The following ACVR2A variants were observed in gnomAD, a reference collection of about 807,000 sequenced individuals.
The protein encoded by ACVR2A is activin A receptor type 2A, also known as activin receptor type-2A.
In ACVR2A, 7 loss-of-function variants were observed where a neutral mutation model predicts 61.4. That is an observed-to-expected ratio of 0.11 (90% CI 0.06 to 0.21). ACVR2A has a LOEUF of 0.21. ACVR2A is among the 10% of genes least tolerant of loss of function. The pLI is 1.00. For synonymous variants in ACVR2A, 193 were observed against 208.3 expected (o/e 0.93, Z 0.63); for missense variants, 322 against 621.7 (o/e 0.52, Z 5.13).
intron 1 of ACVR2A, among the ~76,000 whole-genome samples, chr2:147,859,481 A>T (rs1448991788): frequency 1.3e-5 from 2 of 150,704 alleles, no homozygotes; most frequent in African/African-American, 2.4e-5. Context: ...GTAGAGGGTC[A>T]CCACAGACAA....
chr2:147,904,036 G>A (rs1489269753), intron 4 of ACVR2A, among the ~76,000 whole-genome samples: 1 of 151,922 alleles, frequency 6.6e-6, no homozygotes, highest in Non-Finnish European at 1.5e-5. Context: ...GATTTTGTGG[G>A]GGGCTGTAAA....
chr2:147,873,870 G>A (rs1464182954), intron 1 of ACVR2A, among the ~76,000 whole-genome samples: 2 of 151,972 alleles, frequency 1.3e-5, no homozygotes, highest in Admixed American at 1.3e-4. Flanking sequence ...CTGTGTCTGT[G>A]TAGCCTGGAG....
rs911089301 is a variant in ACVR2A, at chr2:147,930,092, A to T, written c.*2818A>T. ...TAGGTACCTTGTGAATTCCAGAAAA[A>T]GAGACTGTGCTTCACGATTGTTAGT... On this transcript the variant is annotated 3_prime_UTR_variant, in exon 11 of 11. Transcript: ENST00000241416. 4 of 152,488 alleles carry T rather than the reference A, an allele frequency of 2.6e-5. No individual in the cohort carries two copies. Among genetic ancestry groups the T allele is most frequent in the African/African-American group, 9.7e-5 (4 of 41,436 alleles). 9.4% of individuals were successfully genotyped at this position (152,488 alleles called of 1,614,324 possible).
intron 1 of ACVR2A, among the ~76,000 whole-genome samples, chr2:147,881,254 T>G (rs1313562392): frequency 6.6e-6 from 1 of 152,136 alleles, no homozygotes; most frequent in Non-Finnish European, 1.5e-5. Context: ...CTTTTTGTAT[T>G]TAGGGAAGTG....
rs1468285411 is a variant in ACVR2A, at chr2:147,929,402, T to C, written c.*2128T>C. 1 of 152,070 alleles carries C rather than the reference T, an allele frequency of 6.6e-6. No individual in the cohort carries two copies. Among genetic ancestry groups the C allele is most frequent in the Non-Finnish European group, 1.5e-5 (1 of 67,974 alleles). The allele number at this position is 152,070 out of a possible 1,614,324, so 9.4% of individuals were successfully genotyped here. On this transcript the variant is annotated 3_prime_UTR_variant, in exon 11 of 11. Coordinates refer to ENST00000241416, the MANE Select transcript of ACVR2A (RefSeq NM_001616.5). ...GTTAAACAAAAATAAACAAGGGATATTATGATGAATGTTTGGCTTATGTGA... is the reference window on the plus strand; with the variant it reads ...GTTAAACAAAAATAAACAAGGGATACTATGATGAATGTTTGGCTTATGTGA...
intron 1 of ACVR2A, among the ~76,000 whole-genome samples, chr2:147,853,041 T>C (rs912042585): frequency 2.0e-5 from 3 of 151,972 alleles, no homozygotes; most frequent in Non-Finnish European, 4.4e-5. Context: ...ACCCCATATG[T>C]GGATATAGGA....
intron 1 of ACVR2A, among the ~76,000 whole-genome samples, chr2:147,875,439 A>T (rs1423351997): frequency 6.6e-6 from 1 of 152,056 alleles, no homozygotes; most frequent in Non-Finnish European, 1.5e-5. Context: ...TGCTTTAAAA[A>T]TTTTTATTTA....
At chr2:147,882,786 G>A (rs1406108254) in intron 1 of ACVR2A, among the ~76,000 whole-genome samples, 1 of 150,402 alleles carries the variant, frequency 6.6e-6, no homozygotes, top group Non-Finnish European at 1.5e-5. Context: ...CTGATAGTAA[G>A]TACTAAGTAT....
At chr2:147,844,575 G>A (rs2105121913), upstream of ACVR2A, 1 of 150,422 alleles carries the variant, frequency 6.6e-6, no homozygotes, top group Admixed American at 6.7e-5. Flanking sequence ...GCCTGGACCA[G>A]AACTTGGCCG....
chr2:147,862,462 G>T (rs1685748141), intron 1 of ACVR2A, among the ~76,000 whole-genome samples: 1 of 152,058 alleles, frequency 6.6e-6, no homozygotes, highest in Admixed American at 6.6e-5. Flanking sequence ...GTTTTCCTGG[G>T]CAGGGCACCA....
intron 1 of ACVR2A, among the ~76,000 whole-genome samples, chr2:147,881,602 AGTGTGTGTGTGTGTGTGTGT>A (rs145075375): frequency 2.5e-5 from 2 of 81,444 alleles, no homozygotes; most frequent in Non-Finnish European, 4.9e-5. Context: ...GAAGCTGCTT[AGTGTGTGTGTGTGTGTGTGT>A]GTGTGTGTGT....
At chr2:147,889,711 C>T (rs1296580167) in intron 1 of ACVR2A, among the ~76,000 whole-genome samples, 1 of 151,964 alleles carries the variant, frequency 6.6e-6, no homozygotes, top group Non-Finnish European at 1.5e-5. Flanking sequence ...CGCACCATTG[C>T]ACTCCAGCCT....
intron 1 of ACVR2A, among the ~76,000 whole-genome samples, chr2:147,856,519 CT>C (rs1184887110): frequency 6.6e-6 from 1 of 152,056 alleles, no homozygotes; most frequent in Non-Finnish European, 1.5e-5. Context: ...CTAGGCCTTT[CT>C]TTTACCTGGT....
At chr2:147,910,513 GA>G (rs1436111381) in intron 4 of ACVR2A, among the ~76,000 whole-genome samples, 23 of 152,170 alleles carry the variant, frequency 1.5e-4, no homozygotes, top group African/African-American at 5.5e-4. Context: ...ATTATCACAG[GA>G]AGAAAATCTA....
chr2:147,928,462 A>G lies in ACVR2A; in HGVS notation c.*1188A>G, dbSNP rs1302381692. On this transcript the variant is annotated 3_prime_UTR_variant, in exon 11 of 11. Transcript: ENST00000241416. ...CTGCTTGGTGCCATCTTGTCAGAGT[A>G]ATATTTGATGTCTGTGATATGTAAA... 6.6e-6 allele frequency: 1 copy of G among 152,106 alleles called. No homozygotes were observed. Among genetic ancestry groups the G allele is most frequent in the Admixed American group, 6.6e-5 (1 of 15,154 alleles). The allele number at this position is 152,106 out of a possible 1,614,324, so 9.4% of individuals were successfully genotyped here. A position where few individuals can be genotyped will look rare whatever the true frequency, so the allele number is the denominator to read the frequency against.
intron 2 of ACVR2A, among the ~76,000 whole-genome samples, chr2:147,898,993 A>G (rs1228581128): frequency 3.3e-5 from 5 of 152,102 alleles, no homozygotes; most frequent in Non-Finnish European, 5.9e-5. Flanking sequence ...ATCACTTAGC[A>G]TGTGTGTATG....
chr2:147,899,491 A>G lies in ACVR2A; in HGVS notation c.297A>G (p.Glu99=). The change falls in exon 3 of 11, where the codon GAA becomes GAG. Residue 99 remains glutamate, a synonymous_variant. Coordinates refer to ENST00000241416, the MANE Select transcript of ACVR2A (RefSeq NM_001616.5). ...TDCVEKKDSP[E]VYFCCCEGNM... ...GTGTAGAAAAAAAAGACAGCCCTGA[A>G]GTATATTTTTGTTGCTGTGAGGGCA... is the stretch of plus-strand genomic sequence containing the variant. 2 of 1,613,178 alleles carry G rather than the reference A, an allele frequency of 1.2e-6. No individual in the cohort carries two copies. The highest frequency in any genetic ancestry group is 2.2e-5 in the South Asian group (2 of 90,920).
intron 1 of ACVR2A, among the ~76,000 whole-genome samples, chr2:147,868,609 T>C (rs1314078805): frequency 6.6e-6 from 1 of 151,250 alleles, no homozygotes; most frequent in Admixed American, 6.6e-5. Flanking sequence ...GTTTCTGTTA[T>C]ATTTTATTTT....
chr2:147,854,718 A>G (rs1685527185), intron 1 of ACVR2A, among the ~76,000 whole-genome samples: 1 of 152,204 alleles, frequency 6.6e-6, no homozygotes, highest in Non-Finnish European at 1.5e-5. Flanking sequence ...AAACATGAAG[A>G]CAGATATGAT....
Sources: allele counts gnomAD v4.1 joint callset (sites outside exome capture counted in the v4.1 genomes callset), GRCh38; gene constraint gnomAD v4.1.1; transcripts MANE v1.5; gene names NCBI Gene and HGNC (gene_info 2026-07-23, HGNC 2026-07-21).